Variants in HTR1E observed in about 807,000 individuals in gnomAD.
HTR1E encodes the protein 5-HT-1E.
HTR1E carries 3 observed loss-of-function variants against 3.4 expected under a neutral mutation model. The ratio of observed to expected loss-of-function variants is 0.89; its 90% CI spans 0.41 to 2.31. The LOEUF is 2.31. Among genes scored for constraint, HTR1E ranks in the 30% most tolerant of loss-of-function variants. The pLI, the probability that HTR1E is intolerant of heterozygous loss-of-function variation, is 0.05. For missense variants in HTR1E, 392 were observed against 467.0 expected, an observed-to-expected ratio of 0.84 and a Z score of 1.48; for synonymous variants, 170 against 182.8, an observed-to-expected ratio of 0.93 and a Z score of 0.56.
chr6:87,009,925 G>T, intron 1 of HTR1E, among the ~76,000 whole-genome samples: 1 of 123,958 alleles, frequency 8.1e-6, no homozygotes, highest in Non-Finnish European at 1.7e-5. Flanking sequence ...GGCTGGCCGG[G>T]CAGAGGGGCT....
At chr6:86,977,998 C>G (rs1767663549) in intron 1 of HTR1E, among the ~76,000 whole-genome samples, 1 of 152,124 alleles carries the variant, frequency 6.6e-6, no homozygotes, top group Non-Finnish European at 1.5e-5. Flanking sequence ...TGACTGTTTA[C>G]TCTGTTGATA....
At position 87,015,886 on chromosome 6, in the gene HTR1E, T is replaced by A. The variant is rs763260487; in HGVS notation, c.552T>A (p.Ile184=). Residue 184 remains isoleucine (I), a synonymous_variant, in exon 2 of 2, where the codon ATT becomes ATA. Transcript: ENST00000305344. Reference sequence around the variant, plus strand: ...AGCACGACCATGTTATCTACACCATTTACTCCACGCTGGGTGCGTTTTATA... The same window carrying A: ...AGCACGACCATGTTATCTACACCATATACTCCACGCTGGGTGCGTTTTATA... ...TIQHDHVIYT[I]YSTLGAFYIP... 5 of 1,613,534 alleles carry A rather than the reference T, an allele frequency of 3.1e-6. No individual in the cohort carries two copies. In the South Asian group the frequency reaches 5.5e-5, roughly 18 times the overall value.
At chr6:86,971,251 A>C (rs1458932442) in intron 1 of HTR1E, 2 of 320,894 alleles carry the variant, frequency 6.2e-6, no homozygotes, top group East Asian at 1.6e-4. Context: ...ACTGTTTTCA[A>C]ATTGAAAAAA....
intron 1 of HTR1E, among the ~76,000 whole-genome samples, chr6:86,985,786 G>A (rs1037255700): frequency 3.3e-5 from 5 of 152,158 alleles, no homozygotes; most frequent in Non-Finnish European, 7.4e-5. Flanking sequence ...TATCTACCCA[G>A]GTTTGGAGAA....
chr6:86,952,402 A>C (rs1303173472), intron 1 of HTR1E, among the ~76,000 whole-genome samples: 3 of 152,080 alleles, frequency 2.0e-5, no homozygotes, highest in Non-Finnish European at 4.4e-5. Context: ...TCTTAGCAGG[A>C]GGGGAACAGT....
At chr6:87,007,727 G>A (rs1028884308) in intron 1 of HTR1E, among the ~76,000 whole-genome samples, 1 of 152,156 alleles carries the variant, frequency 6.6e-6, no homozygotes, top group South Asian at 2.1e-4. Flanking sequence ...TTGAGCTCAA[G>A]AGTTCAAAAC....
intron 1 of HTR1E, among the ~76,000 whole-genome samples, chr6:86,964,826 T>C (rs1767453184): frequency 6.6e-6 from 1 of 152,228 alleles, no homozygotes; most frequent in African/African-American, 2.4e-5. Context: ...ATTATTTAAA[T>C]CATAGGAATT....
chr6:87,002,127 C>A (rs146898187), intron 1 of HTR1E, among the ~76,000 whole-genome samples: 129 of 152,268 alleles, frequency 8.5e-4, no homozygotes, highest in Admixed American at 6.5e-3. Context: ...TTATTCCTTC[C>A]GGTAGGTTCT....
chr6:87,011,113 C>A (rs1224495044), intron 1 of HTR1E, among the ~76,000 whole-genome samples: 1 of 152,184 alleles, frequency 6.6e-6, no homozygotes, highest in Non-Finnish European at 1.5e-5. Flanking sequence ...TATGTGACCT[C>A]TGAATTTTTG....
chr6:87,013,149 C>T (rs1452715435), intron 1 of HTR1E, among the ~76,000 whole-genome samples: 2 of 152,198 alleles, frequency 1.3e-5, no homozygotes, highest in Non-Finnish European at 2.9e-5. Context: ...TCTTGTCCCT[C>T]TTCATCTGCT....
At chr6:86,941,360 T>C (rs1562056752) in intron 1 of HTR1E, among the ~76,000 whole-genome samples, 1 of 152,264 alleles carries the variant, frequency 6.6e-6, no homozygotes, top group Non-Finnish European at 1.5e-5. Context: ...TAATTTTGTC[T>C]TTCATTTTTA....
At chr6:86,989,041 G>A (rs561438713) in intron 1 of HTR1E, among the ~76,000 whole-genome samples, 2 of 152,164 alleles carry the variant, frequency 1.3e-5, no homozygotes, top group African/African-American at 4.8e-5. Context: ...TTAACAACAC[G>A]TTTTTAAATA....
At chr6:86,971,601 CA>C (rs199973199) in intron 1 of HTR1E, among the ~76,000 whole-genome samples, 4,362 of 104,060 alleles carry the variant, frequency 0.042, 129 homozygotes, top group East Asian at 0.19. Context: ...CCTCCAGTGG[CA>C]AAAAAAAAAA....
intron 1 of HTR1E, among the ~76,000 whole-genome samples, chr6:87,014,647 T>G (rs1406742865): frequency 6.6e-6 from 1 of 152,200 alleles, no homozygotes; most frequent in Non-Finnish European, 1.5e-5. Flanking sequence ...TGAGTTCATG[T>G]CCTTTGCAGG....
intron 1 of HTR1E, among the ~76,000 whole-genome samples, chr6:86,938,154 G>T (rs529322128): frequency 5.3e-5 from 8 of 152,312 alleles, no homozygotes; most frequent in South Asian, 2.1e-4. Context: ...GGTATGGAAC[G>T]GGTGCTGGGG....
intron 1 of HTR1E, among the ~76,000 whole-genome samples, chr6:86,981,507 G>C (rs914408072): frequency 3.3e-5 from 5 of 152,150 alleles, no homozygotes; most frequent in African/African-American, 1.2e-4. Context: ...TCATGCCCTA[G>C]AATAGATCTG....
At chr6:86,969,707 C>T (rs1284780368) in intron 1 of HTR1E, among the ~76,000 whole-genome samples, 1 of 152,182 alleles carries the variant, frequency 6.6e-6, no homozygotes, top group Admixed American at 6.5e-5. Flanking sequence ...ACTAAGCCCA[C>T]GTGCTTCTGA....
chr6:86,962,956 T>C (rs1479139967), intron 1 of HTR1E, among the ~76,000 whole-genome samples: 1 of 152,248 alleles, frequency 6.6e-6, no homozygotes, highest in Non-Finnish European at 1.5e-5. Flanking sequence ...CTTTTATTGT[T>C]ATTTTAGTGT....
At chr6:86,994,402 A>G (rs1436333655) in intron 1 of HTR1E, among the ~76,000 whole-genome samples, 1 of 152,146 alleles carries the variant, frequency 6.6e-6, no homozygotes, top group African/African-American at 2.4e-5. Context: ...CACCATACCT[A>G]TCAGGAGAAA....
Sources: gnomAD v4.1 joint callset for allele counts (sites outside exome capture counted in the v4.1 genomes callset) on GRCh38, gnomAD v4.1.1 for gene constraint, MANE v1.5 for transcripts, NCBI Gene and HGNC (gene_info 2026-07-23, HGNC 2026-07-21) for gene names.